The following MTMR3 variants were observed in gnomAD, a reference collection of about 807,000 sequenced individuals.
The protein encoded by MTMR3 is myotubularin related protein 3.
In MTMR3, 32 loss-of-function variants were observed where a neutral mutation model predicts 132.4. The ratio of observed to expected loss-of-function variants is 0.24; its 90% CI spans 0.18 to 0.32. The LOEUF is 0.32. Among genes scored for constraint, MTMR3 ranks in the 10% least tolerant of loss-of-function variants. The pLI is 1.00. For missense variants in MTMR3, 1,216 were observed against 1,489.6 expected, an observed-to-expected ratio of 0.82 and a Z score of 3.02; for synonymous variants, 556 against 550.3, an observed-to-expected ratio of 1.01 and a Z score of -0.14.
At chr22:29,971,728 T>G (rs2145873558) in intron 3 of MTMR3, among the ~76,000 whole-genome samples, 1 of 152,166 alleles carries the variant, frequency 6.6e-6, no homozygotes, top group East Asian at 1.9e-4. Context: ...ATGGACAATT[T>G]AATGACTTAC....
intron 5 of MTMR3, chr22:29,985,495 A>T (rs1238877974): frequency 6.6e-6 from 1 of 152,044 alleles, no homozygotes; most frequent in Non-Finnish European, 1.5e-5. Flanking sequence ...ACGAGACTCC[A>T]TCTCAAAAGA....
chr22:29,982,329 C>G (rs950391016), intron 5 of MTMR3: 1 of 151,204 alleles, frequency 6.6e-6, no homozygotes, highest in Admixed American at 6.6e-5. Flanking sequence ...AACCTGAAAC[C>G]TGGAGGTACT....
chr22:29,990,517 TATTA>T (rs997618809), intron 6 of MTMR3: 25 of 152,332 alleles, frequency 1.6e-4, no homozygotes, highest in African/African-American at 6.0e-4. Context: ...GGTAGTTGCT[TATTA>T]ATTAGTCAGT....
intron 3 of MTMR3, 97 bp from the exon 4 acceptor site, chr22:29,978,345 G>T: frequency 1.1e-6 from 1 of 886,580 alleles, no homozygotes; most frequent in South Asian, 1.7e-5. Flanking sequence ...CTTGGTCTTT[G>T]TACTTTCATT....
intron 1 of MTMR3, among the ~76,000 whole-genome samples, chr22:29,927,556 T>C: frequency 6.6e-6 from 1 of 152,366 alleles, no homozygotes; most frequent in African/African-American, 2.4e-5. Flanking sequence ...TTTTAAATTC[T>C]TGTTTTTTTA....
chr22:29,946,374 C>T (rs1174827141), intron 1 of MTMR3, among the ~76,000 whole-genome samples: 1 of 152,086 alleles, frequency 6.6e-6, no homozygotes, highest in Non-Finnish European at 1.5e-5. Flanking sequence ...TGGTCATGTG[C>T]TAGCAATAGC....
At chr22:29,939,305 T>C (rs538600206) in intron 1 of MTMR3, among the ~76,000 whole-genome samples, 1 of 152,298 alleles carries the variant, frequency 6.6e-6, no homozygotes, top group East Asian at 1.9e-4. Context: ...TTAAATAAAA[T>C]AAAAACAAAA....
At position 30,027,767 on chromosome 22, in the gene MTMR3, A is replaced by T. The variant is rs1330554101; in HGVS notation, c.*1966A>T. 2.0e-5 allele frequency: 3 copies of T among 152,660 alleles called. No homozygotes were observed. Among genetic ancestry groups the T allele is most frequent in the Non-Finnish European group, 4.4e-5 (3 of 68,032 alleles). The allele number at this position is 152,660 out of a possible 1,614,324, so 9.5% of individuals were successfully genotyped here. A position where few individuals can be genotyped will look rare whatever the true frequency, so the allele number is the denominator to read the frequency against. ...TAAAGAGGAGTCAGTCAGTGCTCCTATATTTTTCATTTTTTGTCAAAGCAA... is the reference window on the plus strand; with the variant it reads ...TAAAGAGGAGTCAGTCAGTGCTCCTTTATTTTTCATTTTTTGTCAAAGCAA... On this transcript the variant is annotated 3_prime_UTR_variant, in exon 20 of 20. Coordinates refer to ENST00000401950, the MANE Select transcript of MTMR3 (RefSeq NM_021090.4).
intron 5 of MTMR3, chr22:29,982,254 A>AC (rs2066764215): frequency 6.7e-6 from 1 of 149,288 alleles, no homozygotes; most frequent in African/African-American, 2.5e-5. Context: ...TCAGATTGAG[A>AC]GAGACTAGAA....
intron 1 of MTMR3, among the ~76,000 whole-genome samples, chr22:29,926,067 C>T (rs2145779448): frequency 6.6e-6 from 1 of 152,296 alleles, no homozygotes; most frequent in East Asian, 1.9e-4. Context: ...CCTCTTTAGA[C>T]CTTCGCAACT....
chr22:30,019,377 A>T, intron 16 of MTMR3, 103 bp from the exon 17 acceptor site: 1 of 1,099,596 alleles, frequency 9.1e-7, no homozygotes, highest in African/African-American at 1.6e-5. Context: ...GAGTAGCCAT[A>T]ATGGACCCAG....
chr22:30,002,800 C>T, intron 8 of MTMR3, 80 bp from the exon 9 acceptor site: 1 of 1,055,874 alleles, frequency 9.5e-7, no homozygotes, highest in East Asian at 2.4e-5. Flanking sequence ...GCTGGCTCAC[C>T]TAGTGTCTCT....
intron 2 of MTMR3, among the ~76,000 whole-genome samples, chr22:29,958,861 G>C (rs536182129): frequency 6.6e-6 from 1 of 152,286 alleles, no homozygotes; most frequent in South Asian, 2.1e-4. Context: ...AATTCTTCTT[G>C]ACTAGGGTTT....
chr22:30,007,402 A>G, intron 10 of MTMR3, 83 bp downstream of exon 10: 1 of 1,332,940 alleles, frequency 7.5e-7, no homozygotes, highest in Non-Finnish European at 1.1e-6. Flanking sequence ...CTTACAAGAC[A>G]TAGATTTACT....
chr22:29,973,955 A>T (rs1416642942), intron 3 of MTMR3, among the ~76,000 whole-genome samples: 2 of 152,070 alleles, frequency 1.3e-5, no homozygotes, highest in African/African-American at 2.4e-5. Flanking sequence ...TGAAGCATGT[A>T]CTTTCCTCTC....
intron 1 of MTMR3, among the ~76,000 whole-genome samples, chr22:29,921,669 C>T (rs1162847646): frequency 6.6e-6 from 1 of 152,132 alleles, no homozygotes; most frequent in African/African-American, 2.4e-5. Flanking sequence ...ACTTACTAAA[C>T]ACTAACTCCC....
At chr22:29,948,970 T>TGTCTGTA (rs1411858247) in intron 1 of MTMR3, among the ~76,000 whole-genome samples, 2 of 151,720 alleles carry the variant, frequency 1.3e-5, no homozygotes, top group Non-Finnish European at 1.5e-5. Flanking sequence ...TGGTGGCATG[T>TGTCTGTA]GTCTGTAGTC....
intron 13 of MTMR3, 97 bp downstream of exon 13, chr22:30,012,660 G>A: frequency 7.7e-7 from 1 of 1,305,722 alleles, no homozygotes; most frequent in African/African-American, 1.5e-5. Flanking sequence ...TTCGGTTAAA[G>A]AAAGTGAAAT....
chr22:29,941,460 T>C (rs1293473135), intron 1 of MTMR3, among the ~76,000 whole-genome samples: 2 of 152,168 alleles, frequency 1.3e-5, no homozygotes, highest in African/African-American at 2.4e-5. Context: ...AAATGTATGC[T>C]TAACCTCATA....
Sources: allele counts gnomAD v4.1 joint callset (sites outside exome capture counted in the v4.1 genomes callset), GRCh38; gene constraint gnomAD v4.1.1; transcripts MANE v1.5; gene names NCBI Gene and HGNC (gene_info 2026-07-23, HGNC 2026-07-21).